Variants in ARHGAP32 observed in about 807,000 individuals in gnomAD.
ARHGAP32 encodes the protein rho GTPase-activating protein 32.
A neutral mutation model predicts 186.5 loss-of-function variants in ARHGAP32; 51 were observed. That is an observed-to-expected ratio of 0.27 (90% CI 0.22 to 0.35). ARHGAP32 has a LOEUF of 0.35. Ranked by LOEUF, ARHGAP32 falls within the 10% of genes least tolerant of loss-of-function variation. The probability of loss-of-function intolerance (pLI) is 1.00; values close to 1 mark genes in which losing one functional copy is unlikely to be tolerated. For missense variants in ARHGAP32, 2,186 were observed against 2,623.5 expected (o/e 0.83, Z 3.64); for synonymous variants, 950 against 964.3 (o/e 0.99, Z 0.27).
chr11:129,091,240 G>C (rs1941570165), intron 6 of ARHGAP32, among the ~76,000 whole-genome samples: 1 of 152,056 alleles, frequency 6.6e-6, no homozygotes, highest in African/African-American at 2.4e-5. Context: ...TTGGGTCCAT[G>C]CTGTATCAGC....
intron 2 of ARHGAP32, among the ~76,000 whole-genome samples, chr11:129,160,140 A>G (rs1388252788): frequency 3.3e-5 from 5 of 152,218 alleles, no homozygotes; most frequent in Non-Finnish European, 7.3e-5. Flanking sequence ...CCCACAGCCA[A>G]TATCATACTG....
intron 10 of ARHGAP32, among the ~76,000 whole-genome samples, chr11:129,045,381 A>G (rs1373477920): frequency 6.6e-6 from 1 of 152,194 alleles, no homozygotes; most frequent in Non-Finnish European, 1.5e-5. Flanking sequence ...TTTTCCGCTC[A>G]GTTTTTTGTT....
At chr11:129,176,108 G>T (rs1195492026) in intron 1 of ARHGAP32, among the ~76,000 whole-genome samples, 2 of 88,854 alleles carry the variant, frequency 2.3e-5, no homozygotes, top group East Asian at 6.6e-4. Context: ...CAAGCAAATG[G>T]AAAACAAAAA....
At chr11:128,982,027 T>G in intron 15 of ARHGAP32, 91 bp from the exon 16 acceptor site, 1 of 785,618 alleles carries the variant, frequency 1.3e-6, no homozygotes, top group Non-Finnish European at 2.0e-6. Context: ...AAGTTTGCAA[T>G]AGCAAAATGA....
intron 5 of ARHGAP32, among the ~76,000 whole-genome samples, chr11:129,122,260 A>G (rs1046205930): frequency 2.6e-5 from 4 of 151,930 alleles, no homozygotes; most frequent in Non-Finnish European, 5.9e-5. Flanking sequence ...CTAGCCTCCT[A>G]TTTCTTTTCA....
intron 1 of ARHGAP32, among the ~76,000 whole-genome samples, chr11:129,173,513 C>A (rs552701368): frequency 6.6e-6 from 1 of 152,118 alleles, no homozygotes; most frequent in Admixed American, 6.5e-5. Context: ...AGAAACACAA[C>A]CAAAAAAGAA....
intron 11 of ARHGAP32, among the ~76,000 whole-genome samples, chr11:129,005,268 G>A (rs1179397743): frequency 3.3e-5 from 5 of 151,932 alleles, no homozygotes; most frequent in Non-Finnish European, 7.4e-5. Flanking sequence ...TTATCATTTA[G>A]TCTTCTACTT....
At chr11:129,088,499 G>A (rs1050173227) in intron 6 of ARHGAP32, among the ~76,000 whole-genome samples, 1 of 152,118 alleles carries the variant, frequency 6.6e-6, no homozygotes, top group African/African-American at 2.4e-5. Flanking sequence ...AGAATCACTT[G>A]AACCTGTGAG....
chr11:129,024,956 G>T (rs1938768714), intron 11 of ARHGAP32, among the ~76,000 whole-genome samples: 1 of 152,026 alleles, frequency 6.6e-6, no homozygotes, highest in African/African-American at 2.4e-5. Context: ...ACTGAACTGT[G>T]TTAACCCAAT....
chr11:129,102,003 AC>A (rs1278239837), intron 5 of ARHGAP32, among the ~76,000 whole-genome samples: 7 of 152,132 alleles, frequency 4.6e-5, no homozygotes, highest in Admixed American at 1.3e-4. Flanking sequence ...CTAACCACAG[AC>A]CTCTCAGCAG....
At chr11:129,032,981 C>T (rs1203238964) in intron 11 of ARHGAP32, among the ~76,000 whole-genome samples, 1 of 152,208 alleles carries the variant, frequency 6.6e-6, no homozygotes, top group Non-Finnish European at 1.5e-5. Context: ...TCTAATACCA[C>T]AGAGCAGTCT....
At chr11:129,184,880 A>C (rs1294377367) in intron 1 of ARHGAP32, among the ~76,000 whole-genome samples, 1 of 152,194 alleles carries the variant, frequency 6.6e-6, no homozygotes. Context: ...CAGAGAACTT[A>C]ACTGAACAAA....
intron 2 of ARHGAP32, chr11:129,126,080 C>A: frequency 2.9e-6 from 1 of 340,822 alleles, no homozygotes; most frequent in South Asian, 2.6e-5. Context: ...CATCATCATT[C>A]AATTATACCC....
chr11:129,202,184 T>C (rs1346738077), intron 1 of ARHGAP32, among the ~76,000 whole-genome samples: 3 of 152,172 alleles, frequency 2.0e-5, no homozygotes, highest in Non-Finnish European at 4.4e-5. Flanking sequence ...ATAATGCAGA[T>C]GATTTTTACT....
At chr11:129,007,009 C>A (rs571443186) in intron 11 of ARHGAP32, among the ~76,000 whole-genome samples, 17 of 152,154 alleles carry the variant, frequency 1.1e-4, no homozygotes, top group Admixed American at 3.3e-4. Context: ...ATGGCCACCA[C>A]CACCACAGGG....
chr11:129,276,223 A>G (rs1945527837), intron 1 of ARHGAP32, among the ~76,000 whole-genome samples: 1 of 152,218 alleles, frequency 6.6e-6, no homozygotes, highest in South Asian at 2.1e-4. Flanking sequence ...CTACCGGTGG[A>G]TTTTCTAAAT....
At chr11:129,194,046 C>T (rs997915555), upstream of ARHGAP32, among the ~76,000 whole-genome samples, 2 of 151,512 alleles carry the variant, frequency 1.3e-5, no homozygotes, top group Admixed American at 6.6e-5. Flanking sequence ...TAAAACAATA[C>T]ATAATAAGAT....
intron 6 of ARHGAP32, among the ~76,000 whole-genome samples, chr11:129,080,128 T>C (rs1247403128): frequency 6.6e-6 from 1 of 151,960 alleles, no homozygotes; most frequent in Non-Finnish European, 1.5e-5. Context: ...ACCTAAAAAA[T>C]GACAGATGGC....
At chr11:128,982,032 A>C in intron 15 of ARHGAP32, 96 bp from the exon 16 acceptor site, 1 of 748,818 alleles carries the variant, frequency 1.3e-6, no homozygotes, top group Non-Finnish European at 2.1e-6. Flanking sequence ...TGCAATAGCA[A>C]AATGAAGAAA....
Sources: gnomAD v4.1 joint callset for allele counts (sites outside exome capture counted in the v4.1 genomes callset) on GRCh38, gnomAD v4.1.1 for gene constraint, MANE v1.5 for transcripts, NCBI Gene and HGNC (gene_info 2026-07-23, HGNC 2026-07-21) for gene names.